VIPR2: variants seen among roughly 807,000 people sequenced by gnomAD.
VIPR2 encodes the protein vasoactive intestinal peptide receptor 2, also known as vasoactive intestinal polypeptide receptor 2.
VIPR2 carries 48 observed loss-of-function variants against 58.0 expected under a neutral mutation model. The ratio of observed to expected loss-of-function variants is 0.83; its 90% CI spans 0.66 to 1.05. The LOEUF is 1.05. Ranked by LOEUF, VIPR2 falls within the 50% of genes least tolerant of loss-of-function variation. The probability of loss-of-function intolerance (pLI) is 0.00; values close to 1 mark genes in which losing one functional copy is unlikely to be tolerated. For missense variants in VIPR2, 534 were observed against 558.0 expected, an observed-to-expected ratio of 0.96 and a Z score of 0.43; for synonymous variants, 243 against 235.2, an observed-to-expected ratio of 1.03 and a Z score of -0.30.
chr7:159,076,338 T>C (rs563615071), intron 4 of VIPR2, among the ~76,000 whole-genome samples: 106 of 152,368 alleles, frequency 7.0e-4, no homozygotes, highest in Non-Finnish European at 1.3e-3. Flanking sequence ...CAGAGGATCT[T>C]CATCTTTTCA....
At chr7:159,100,385 A>G (rs936350494) in intron 4 of VIPR2, among the ~76,000 whole-genome samples, 4 of 150,284 alleles carry the variant, frequency 2.7e-5, no homozygotes, top group Non-Finnish European at 5.9e-5. Context: ...ACTGAACACA[A>G]TGACAGTGGG....
chr7:159,036,357 C>T (rs1431070653), intron 7 of VIPR2, among the ~76,000 whole-genome samples: 1 of 152,106 alleles, frequency 6.6e-6, no homozygotes, highest in Non-Finnish European at 1.5e-5. Context: ...TCATCCTGTC[C>T]ATGAGGATGT....
chr7:159,133,321 C>T (rs1186945626), intron 2 of VIPR2, among the ~76,000 whole-genome samples: 3 of 152,298 alleles, frequency 2.0e-5, no homozygotes, highest in East Asian at 1.9e-4. Flanking sequence ...AAGCTGACCC[C>T]GGACAACAGG....
chr7:159,084,749 C>T (rs764218069), intron 4 of VIPR2, among the ~76,000 whole-genome samples: 3 of 152,180 alleles, frequency 2.0e-5, no homozygotes, highest in Non-Finnish European at 2.9e-5. Flanking sequence ...GGGAGGATTT[C>T]GGGGCATGGA....
In VIPR2 at chr7:159,032,050, G is replaced by A. The variant is rs756180407; in HGVS notation, c.989C>T (p.Thr330Met). The change falls in exon 11 of 13, where the codon ACG (threonine) becomes ATG (methionine). Residue 330 changes from threonine to methionine, a missense_variant. Transcript: ENST00000262178. ...GCCGAACAGCGGGATAAGCAGGAGCGTGGACTTGGCCAGCCTCCTGCACAG... is the reference window on the plus strand; with the variant it reads ...GCCGAACAGCGGGATAAGCAGGAGCATGGACTTGGCCAGCCTCCTGCACAG... ...QSQYKRLAKS[T>M]LLLIPLFGVH... The A allele has an allele frequency of 1.9e-6, 3 of 1,614,068 alleles. No homozygotes were observed. Among genetic ancestry groups the A allele is most frequent in the Admixed American group, 1.7e-5 (1 of 60,034 alleles).
intron 4 of VIPR2, among the ~76,000 whole-genome samples, chr7:159,078,173 T>TC (rs914894043): frequency 1.3e-5 from 2 of 152,072 alleles, no homozygotes; most frequent in African/African-American, 2.4e-5. Flanking sequence ...CATTGAAACT[T>TC]CCCCCCCTCA....
chr7:159,047,489 T>C (rs1320011806), intron 5 of VIPR2, among the ~76,000 whole-genome samples: 1 of 152,162 alleles, frequency 6.6e-6, no homozygotes, highest in Non-Finnish European at 1.5e-5. Context: ...TTCGGTTATA[T>C]ATGAAAAAAC....
At chr7:159,053,672 G>A (rs1855135999) in intron 5 of VIPR2, among the ~76,000 whole-genome samples, 1 of 152,190 alleles carries the variant, frequency 6.6e-6, no homozygotes, top group African/African-American at 2.4e-5. Flanking sequence ...TTAAGTAGCT[G>A]GAACTGCAGG....
At chr7:159,133,266 C>T (rs1214721222) in intron 2 of VIPR2, among the ~76,000 whole-genome samples, 2 of 152,312 alleles carry the variant, frequency 1.3e-5, no homozygotes, top group East Asian at 1.9e-4. Context: ...GTCAACACAC[C>T]AGTGTCTCCT....
At chr7:159,046,423 C>T (rs982027476) in intron 5 of VIPR2, among the ~76,000 whole-genome samples, 2 of 152,198 alleles carry the variant, frequency 1.3e-5, no homozygotes, top group Non-Finnish European at 2.9e-5. Context: ...AACTTGAAAA[C>T]ATTATGCTAA....
chr7:159,046,662 T>C (rs1233861219), intron 5 of VIPR2, among the ~76,000 whole-genome samples: 1 of 152,214 alleles, frequency 6.6e-6, no homozygotes, highest in African/African-American at 2.4e-5. Context: ...TACCTTAAGA[T>C]GGCTCAAATG....
chr7:159,085,947 G>T (rs1323131270), intron 4 of VIPR2, among the ~76,000 whole-genome samples: 2 of 152,144 alleles, frequency 1.3e-5, no homozygotes, highest in African/African-American at 4.8e-5. Flanking sequence ...TTAGGCATTT[G>T]TCCAAACCCA....
intron 10 of VIPR2, 99 bp from the exon 11 acceptor site, chr7:159,032,166 G>T: frequency 6.7e-7 from 1 of 1,498,728 alleles, no homozygotes; most frequent in East Asian, 2.4e-5. Context: ...GGTGTGGGAG[G>T]GGCTCCACAC....
At chr7:159,100,418 C>G (rs965214047) in intron 4 of VIPR2, among the ~76,000 whole-genome samples, 1 of 151,920 alleles carries the variant, frequency 6.6e-6, no homozygotes, top group Non-Finnish European at 1.5e-5. Flanking sequence ...CCCGCCAATG[C>G]CAGCCAGCAC....
chr7:159,129,175 C>G (rs1194199836), intron 2 of VIPR2, among the ~76,000 whole-genome samples: 6 of 137,504 alleles, frequency 4.4e-5, no homozygotes, highest in African/African-American at 5.5e-5. Context: ...GGCCAGGTGA[C>G]CAGCTTCACA....
intron 7 of VIPR2, 142 bp from the exon 8 acceptor site, chr7:159,036,154 T>C: frequency 1.9e-6 from 2 of 1,059,602 alleles, no homozygotes; most frequent in Non-Finnish European, 2.6e-6. Flanking sequence ...TCTTTGTAAA[T>C]ATTTACAAGT....
chr7:159,139,907 G>A (rs564516827), intron 2 of VIPR2, among the ~76,000 whole-genome samples: 2 of 152,270 alleles, frequency 1.3e-5, no homozygotes, highest in African/African-American at 2.4e-5. Flanking sequence ...GCTGGATCTC[G>A]GCTCTGAGGC....
intron 4 of VIPR2, among the ~76,000 whole-genome samples, chr7:159,103,233 A>G (rs1032839673): frequency 6.6e-6 from 1 of 152,086 alleles, no homozygotes; most frequent in African/African-American, 2.4e-5. Flanking sequence ...GGGGTCCCCA[A>G]CTCATCCTGG....
At chr7:159,117,499 C>T (rs2129496709) in intron 2 of VIPR2, 1 of 694,164 alleles carries the variant, frequency 1.4e-6, no homozygotes, top group Non-Finnish European at 2.7e-6. Context: ...TGGGGCTGCA[C>T]CTGCTGACCT....
Sources: gnomAD v4.1 joint callset for allele counts (sites outside exome capture counted in the v4.1 genomes callset) on GRCh38, gnomAD v4.1.1 for gene constraint, MANE v1.5 for transcripts, NCBI Gene and HGNC (gene_info 2026-07-23, HGNC 2026-07-21) for gene names.